CLU: variants seen among roughly 807,000 people sequenced by gnomAD.
CLU encodes the protein aging-associated protein 4.
A neutral mutation model predicts 46.4 loss-of-function variants in CLU; 25 were observed. The ratio of observed to expected loss-of-function variants is 0.54; its 90% CI spans 0.39 to 0.75. The LOEUF is 0.75. CLU is among the 30% of genes least tolerant of loss of function. The pLI is 0.00. For synonymous variants in CLU, 235 were observed against 235.1 expected, an observed-to-expected ratio of 1.00 and a Z score of 0.00; for missense variants, 504 against 592.1, an observed-to-expected ratio of 0.85 and a Z score of 1.54.
chr8:27,612,589 C>T (rs78748424), intron 1 of CLU, among the ~76,000 whole-genome samples: 2,444 of 152,162 alleles, frequency 0.016, 30 homozygotes, highest in Middle Eastern at 0.048. Context: ...TTTTAAAGTA[C>T]TTATGAATCA....
intron 3 of CLU, among the ~76,000 whole-genome samples, 192 bp from the exon 4 acceptor site, chr8:27,606,716 G>A (rs2128909425): frequency 6.6e-6 from 1 of 152,276 alleles, no homozygotes; most frequent in East Asian, 1.9e-4. Flanking sequence ...CTTCCCACCT[G>A]GCTTAAAGAA....
Position 27,599,701 on chromosome 8 carries a change from A to G in CLU, c.1164+79T>C, listed in dbSNP as rs756263509. 1 of 1,068,256 alleles carries G rather than the reference A, an allele frequency of 9.4e-7. No individual in the cohort carries two copies. Among genetic ancestry groups the G allele is most frequent in the South Asian group, 1.3e-5 (1 of 74,636 alleles). 66.2% of individuals were successfully genotyped at this position (1,068,256 alleles called of 1,614,324 possible). ...ATTTTCTGCCGTGTGATAAATGCTC[A>G]GTCAAAAGCACACATGCCCCTGCTC... On this transcript the variant is annotated intron_variant, in intron 7 of 8. Transcript: ENST00000316403. This position sits in a 1 kb window ranked among gnomAD's most constrained non-coding sequence, Gnocchi z 4.0.
intron 3 of CLU, among the ~76,000 whole-genome samples, chr8:27,608,268 G>T (rs1180762529): frequency 6.6e-6 from 1 of 152,224 alleles, no homozygotes; most frequent in Non-Finnish European, 1.5e-5. Context: ...TTTCTTTACG[G>T]CAGAACTTCT....
At chr8:27,610,817 G>A in intron 1 of CLU, 2 of 540,860 alleles carry the variant, frequency 3.7e-6, no homozygotes, top group South Asian at 2.0e-5. Flanking sequence ...GGGAGGGAGG[G>A]ACTGCAGGAC....
chr8:27,597,527 A>G lies in CLU; in HGVS notation c.*714T>C. 4.4e-6 allele frequency: 2 copies of G among 454,190 alleles called. No homozygotes were observed. The highest frequency in any genetic ancestry group is 3.1e-5 in the South Asian group (2 of 64,474). The allele number at this position is 454,190 out of a possible 1,614,324, so 28.1% of individuals were successfully genotyped here. On this transcript the variant is annotated 3_prime_UTR_variant, in exon 9 of 9. Transcript: ENST00000316403. The stretch of plus-strand genomic sequence containing the variant: ...TTACAAATAAAACCGCTGCAAAAGC[A>G]ATAGCTCTTACAAATAAAACTGATA...
Position 27,610,614 on chromosome 8 carries a change from G to A in CLU, c.-29-14C>T, listed in dbSNP as rs757753033. 2.5e-6 allele frequency: 4 copies of A among 1,593,844 alleles called. No individual in the cohort carries two copies. The East Asian group carries it at 8.9e-5, about 36-fold the overall frequency. On this transcript the variant is annotated splice_polypyrimidine_tract_variant and intron_variant, in intron 1 of 8. Coordinates refer to ENST00000316403, the MANE Select transcript of CLU (RefSeq NM_001831.4). ...CTTTGCACGCCTCTGCAGAGAACAG[G>A]AGACCATCATGGGAACAGCTAGACA...
At position 27,610,828 on chromosome 8, in the gene CLU, A is replaced by C. The variant is rs1424192477; in HGVS notation, c.-29-228T>G. On this transcript the variant is annotated intron_variant, in intron 1 of 8. Transcript: ENST00000316403. Reference sequence around the variant, plus strand: ...TGCAGGGAGGGAGGGACTGCAGGACAGCAATGTTGAGTGGAAGAAACAAGA... The same window carrying C: ...TGCAGGGAGGGAGGGACTGCAGGACCGCAATGTTGAGTGGAAGAAACAAGA... The C allele has an allele frequency of 5.8e-6, 3 of 516,856 alleles. No homozygotes were observed. The East Asian group carries it at 1.1e-4, about 18-fold the overall frequency. 32.0% of individuals were successfully genotyped at this position (516,856 alleles called of 1,614,324 possible).
chr8:27,604,283 C>T lies in CLU; in HGVS notation c.934+8G>A, dbSNP rs1390263969. The T allele has an allele frequency of 1.2e-6, 2 of 1,611,842 alleles. No individual in the cohort carries two copies. Among genetic ancestry groups the T allele is most frequent in the Non-Finnish European group, 1.7e-6 (2 of 1,178,216 alleles). ...GGGGGACGGCTTGTGGTCTGGACCC[C>T]GACTCACCCACAGACAAGATCTCCC... On this transcript the variant is annotated splice_region_variant and intron_variant, in intron 6 of 8. Coordinates refer to ENST00000316403, the MANE Select transcript of CLU (RefSeq NM_001831.4).
chr8:27,611,296 T>G (rs1377941685), intron 1 of CLU: 2 of 454,698 alleles, frequency 4.4e-6, no homozygotes, highest in Admixed American at 2.3e-5. Flanking sequence ...CTTCGGAGAG[T>G]AGAGAGGGTT....
At position 27,599,566 on chromosome 8, in the gene CLU, C is replaced by G. The variant is rs932405982; in HGVS notation, c.1164+214G>C. The G allele has an allele frequency of 3.5e-6, 2 of 567,340 alleles. No homozygotes were observed. The highest frequency in any genetic ancestry group is 6.0e-5 in the East Asian group (2 of 33,578). The allele number at this position is 567,340 out of a possible 1,614,324, so 35.1% of individuals were successfully genotyped here. ...CCAAGTCATCTGTCAGCTATCACAC[C>G]TTGGCCAAGCTGTGGAACCTCTCTT... On this transcript the variant is annotated intron_variant, in intron 7 of 8. Coordinates refer to ENST00000316403, the MANE Select transcript of CLU (RefSeq NM_001831.4). The surrounding 1 kb of genome is among the most constrained non-coding windows in gnomAD (Gnocchi z 4.0).
At chr8:27,598,849 T>G in intron 7 of CLU, 1 of 593,688 alleles carries the variant, frequency 1.7e-6, no homozygotes, top group East Asian at 2.9e-5. Flanking sequence ...GGGGCAAATG[T>G]CATCTGCAAA....
Position 27,608,638 on chromosome 8 carries a change from C to A in CLU, c.246+300G>T, listed in dbSNP as rs1447615654. The A allele has an allele frequency of 1.7e-5, 9 of 542,878 alleles. No individual in the cohort carries two copies. In the East Asian group the frequency reaches 2.9e-4, roughly 18 times the overall value. The allele number at this position is 542,878 out of a possible 1,614,324, so 33.6% of individuals were successfully genotyped here. A position where few individuals can be genotyped will look rare whatever the true frequency, so the allele number is the denominator to read the frequency against. On this transcript the variant is annotated intron_variant, in intron 3 of 8. Transcript: ENST00000316403. ...CCTGTCTGGGCCCCTGCCGCCACCCCATCCAGAGCCTGCTTGGAACTAGCA... is the reference window on the plus strand; with the variant it reads ...CCTGTCTGGGCCCCTGCCGCCACCCAATCCAGAGCCTGCTTGGAACTAGCA...
chr8:27,598,965 G>C, intron 7 of CLU: 1 of 225,252 alleles, frequency 4.4e-6, no homozygotes, highest in Non-Finnish European at 8.7e-6. Context: ...AGAGGGCCTG[G>C]AGGGAAGAAA....
intron 6 of CLU, among the ~76,000 whole-genome samples, chr8:27,601,155 T>A (rs1800713938): frequency 6.6e-6 from 1 of 152,210 alleles, no homozygotes; most frequent in Admixed American, 6.5e-5. Flanking sequence ...TTCAAGCAAT[T>A]CTCCTGCCTC....
Position 27,599,714 on chromosome 8 carries a change from C to T in CLU, c.1164+66G>A. ...TGATAAATGCTCAGTCAAAAGCACA[C>T]ATGCCCCTGCTCCCGATCACAGCTC... On this transcript the variant is annotated intron_variant, in intron 7 of 8. Transcript: ENST00000316403. The surrounding 1 kb of genome is among the most constrained non-coding windows in gnomAD (Gnocchi z 4.0). 8.2e-7 allele frequency: 1 copy of T among 1,213,108 alleles called. No individual in the cohort carries two copies. Among genetic ancestry groups the T allele is most frequent in the Non-Finnish European group, 1.2e-6 (1 of 836,580 alleles). 75.1% of individuals were successfully genotyped at this position (1,213,108 alleles called of 1,614,324 possible).
At chr8:27,598,719 A>T (rs1800662105) in intron 7 of CLU, 84 bp from the exon 8 acceptor site, 1 of 1,362,468 alleles carries the variant, frequency 7.3e-7, no homozygotes, top group African/African-American at 1.4e-5. Flanking sequence ...GGCTTCTGAT[A>T]AGGAAGTCCT....
Position 27,596,929 on chromosome 8 carries a change from CAG to C in CLU, c.*1310_*1311del. ...GGAAAAGAAAAAGTAACTTTTGAAACAGTGTGACATTAATGTGACAATGTGAC... is the reference window on the plus strand; with the variant it reads ...GGAAAAGAAAAAGTAACTTTTGAAACTGTGACATTAATGTGACAATGTGAC... On this transcript the variant is annotated 3_prime_UTR_variant, in exon 9 of 9. Transcript: ENST00000316403. The C allele has an allele frequency of 8.9e-6, 4 of 448,672 alleles. No homozygotes were observed. Among genetic ancestry groups the C allele is most frequent in the Non-Finnish European group, 1.3e-5 (3 of 224,182 alleles). 27.8% of individuals were successfully genotyped at this position (448,672 alleles called of 1,614,324 possible). A position where few individuals can be genotyped will look rare whatever the true frequency, so the allele number is the denominator to read the frequency against.
chr8:27,606,822 A>T (rs2128909443), intron 3 of CLU, among the ~76,000 whole-genome samples: 1 of 152,138 alleles, frequency 6.6e-6, no homozygotes, highest in East Asian at 1.9e-4. Flanking sequence ...CTGATCACCT[A>T]CTCAATGACT....
intron 1 of CLU, chr8:27,612,055 G>A: frequency 1.2e-5 from 4 of 331,874 alleles, no homozygotes; most frequent in South Asian, 1.0e-4. Flanking sequence ...CCAAAGGCAA[G>A]ATACAGGAAA....
Sources: gnomAD v4.1 joint callset for allele counts (sites outside exome capture counted in the v4.1 genomes callset) on GRCh38, gnomAD v4.1.1 for gene constraint, Gnocchi (gnomAD v3.1) non-coding constraint, MANE v1.5 for transcripts, NCBI Gene and HGNC (gene_info 2026-07-23, HGNC 2026-07-21) for gene names.